Variants in PHLPP1 observed in about 807,000 individuals in gnomAD.
PHLPP1 encodes PH domain and leucine rich repeat protein phosphatase 1.
PHLPP1 carries 42 observed loss-of-function variants against 117.2 expected under a neutral mutation model. That is an observed-to-expected ratio of 0.36 (90% confidence interval 0.28 to 0.46). The LOEUF (loss-of-function observed/expected upper bound fraction) is 0.46, where lower values mean the gene tolerates loss of function less well. Among genes scored for constraint, PHLPP1 ranks in the 20% least tolerant of loss-of-function variants. PHLPP1 has a pLI of 1.00. For synonymous variants in PHLPP1, 1,042 were observed against 970.7 expected (o/e 1.07, Z -1.37); for missense variants, 2,084 against 2,241.9 (o/e 0.93, Z 1.42).
At chr18:62,843,720 T>TA (rs1915109224) in intron 3 of PHLPP1, among the ~76,000 whole-genome samples, 1 of 151,882 alleles carries the variant, frequency 6.6e-6, no homozygotes, top group South Asian at 2.1e-4. Context: ...ATATACAGTG[T>TA]AAAAAACGGC....
At chr18:62,727,002 T>A (rs1420765507) in intron 1 of PHLPP1, among the ~76,000 whole-genome samples, 2 of 149,336 alleles carry the variant, frequency 1.3e-5, no homozygotes, top group Non-Finnish European at 3.0e-5. Context: ...CCGAGGTAGG[T>A]GGATCACCTG....
chr18:62,847,762 A>T (rs1048884387), intron 3 of PHLPP1, among the ~76,000 whole-genome samples: 4 of 152,212 alleles, frequency 2.6e-5, no homozygotes, highest in Non-Finnish European at 4.4e-5. Flanking sequence ...TAAGATTTGG[A>T]AAAGACCAGA....
Position 62,817,345 on chromosome 18 carries a change from AAAAG to A in PHLPP1, c.1577-12685_1577-12682del, listed in dbSNP as rs571734465. ...TTATGTTCCATATATTCATGAAAAT[AAAAG>A]AAAGCATTTGCATATTAAGGAGAGA... On this transcript the variant is annotated intron_variant, in intron 1 of 16. Transcript: ENST00000262719. Among the ~76,000 whole-genome samples, 1,029 of 152,352 alleles carry A rather than the reference AAAAG, an allele frequency of 6.8e-3. 3 individuals are homozygous for A. The highest frequency in any genetic ancestry group is 0.011 in the Non-Finnish European group (749 of 68,030).
intron 16 of PHLPP1, among the ~76,000 whole-genome samples, chr18:62,976,217 G>T (rs549091696): frequency 6.6e-6 from 1 of 152,274 alleles, no homozygotes; most frequent in South Asian, 2.1e-4. Context: ...TCACAGCTGG[G>T]GCGGAGAGTG....
intron 7 of PHLPP1, 137 bp downstream of exon 7, chr18:62,903,303 A>G (rs897915349): frequency 7.8e-6 from 5 of 643,652 alleles, no homozygotes; most frequent in East Asian, 2.7e-5. Context: ...AAAGTCACAA[A>G]AGAAAAATGC....
chr18:62,783,172 G>A (rs1264892081), intron 1 of PHLPP1, among the ~76,000 whole-genome samples: 1 of 146,782 alleles, frequency 6.8e-6, no homozygotes, highest in Non-Finnish European at 1.5e-5. Context: ...AAAAAGATGA[G>A]TCACGTATAG....
intron 1 of PHLPP1, among the ~76,000 whole-genome samples, chr18:62,819,296 A>G (rs1483393147): frequency 2.6e-5 from 4 of 152,236 alleles, no homozygotes; most frequent in African/African-American, 9.6e-5. Flanking sequence ...TATGGTGTTC[A>G]TGAAGTGGTA....
intron 3 of PHLPP1, among the ~76,000 whole-genome samples, chr18:62,843,710 A>G (rs1057365920): frequency 1.3e-5 from 2 of 152,232 alleles, no homozygotes; most frequent in Non-Finnish European, 2.9e-5. Flanking sequence ...ACCTCCTATT[A>G]TATACAGTGT....
At position 62,979,183 on chromosome 18, in the gene PHLPP1, G is replaced by A. The variant is rs1442271274; in HGVS notation, c.4906G>A (p.Val1636Met). 7 of 1,613,600 alleles carry A rather than the reference G, an allele frequency of 4.3e-6. No individual in the cohort carries two copies. The highest frequency in any genetic ancestry group is 1.1e-5 in the South Asian group (1 of 91,020). ...SVAPQERSHN[V>M]IEVATDAPLR... Reference sequence around the variant, plus strand: ...TGCGCCCCAGGAAAGGAGCCACAATGTGATAGAGGTGGCTACAGACGCACC... The same window carrying A: ...TGCGCCCCAGGAAAGGAGCCACAATATGATAGAGGTGGCTACAGACGCACC... The change falls in exon 17 of 17, where the codon GTG becomes ATG. Residue 1636 changes from valine (V) to methionine (M), a missense_variant. This residue lies in a region of PHLPP1 where 1,365 missense variants were observed against 1,605.9 expected (regional missense o/e 0.85). Transcript: ENST00000262719.
chr18:62,819,880 C>A (rs1914399066), intron 1 of PHLPP1, among the ~76,000 whole-genome samples: 1 of 152,174 alleles, frequency 6.6e-6, no homozygotes, highest in South Asian at 2.1e-4. Flanking sequence ...AACTCCTGAC[C>A]TCAGGTGATC....
At chr18:62,734,948 T>C (rs1358374055) in intron 1 of PHLPP1, among the ~76,000 whole-genome samples, 1 of 152,186 alleles carries the variant, frequency 6.6e-6, no homozygotes, top group African/African-American at 2.4e-5. Flanking sequence ...TGTAACCAAG[T>C]CATGTGAGGG....
intron 2 of PHLPP1, 76 bp from the exon 3 acceptor site, chr18:62,838,708 A>G (rs757916475): frequency 1.0e-5 from 15 of 1,449,438 alleles, no homozygotes; most frequent in African/African-American, 1.4e-5. Context: ...CTCCTTGATC[A>G]GAGGCATAGT....
At chr18:62,809,498 A>G (rs571161455) in intron 1 of PHLPP1, among the ~76,000 whole-genome samples, 7 of 152,178 alleles carry the variant, frequency 4.6e-5, no homozygotes, top group Non-Finnish European at 8.8e-5. Flanking sequence ...CAAGAGATGG[A>G]GACCATCCTG....
chr18:62,761,090 C>G (rs1307819107), intron 1 of PHLPP1, among the ~76,000 whole-genome samples: 1 of 151,890 alleles, frequency 6.6e-6, no homozygotes, highest in Non-Finnish European at 1.5e-5. Flanking sequence ...GTCTTGAACT[C>G]CTGAGCTCAA....
At chr18:62,779,977 C>T (rs571086539) in intron 1 of PHLPP1, among the ~76,000 whole-genome samples, 109 of 152,136 alleles carry the variant, frequency 7.2e-4, no homozygotes, top group Non-Finnish European at 1.2e-3. Context: ...ATATTTTGGC[C>T]CTCAGTTCCC....
intron 12 of PHLPP1, 28 bp from the exon 13 acceptor site, chr18:62,958,599 CTT>C: frequency 6.2e-7 from 1 of 1,612,866 alleles, no homozygotes; most frequent in Non-Finnish European, 8.5e-7. Context: ...TAGACCATCT[CTT>C]TCTTGTTTGC....
intron 1 of PHLPP1, among the ~76,000 whole-genome samples, chr18:62,776,147 A>G (rs1309060263): frequency 6.6e-6 from 1 of 152,208 alleles, no homozygotes; most frequent in African/African-American, 2.4e-5. Context: ...TTTTAGGGCA[A>G]GCTGACAGGC....
intron 1 of PHLPP1, among the ~76,000 whole-genome samples, chr18:62,762,307 T>C (rs536107117): frequency 6.6e-6 from 1 of 151,460 alleles, no homozygotes; most frequent in East Asian, 1.9e-4. Context: ...CCCAAGTCTT[T>C]TCCATTCAGT....
At chr18:62,933,099 G>T (rs1236684365) in intron 10 of PHLPP1, among the ~76,000 whole-genome samples, 1 of 152,140 alleles carries the variant, frequency 6.6e-6, no homozygotes, top group Non-Finnish European at 1.5e-5. Context: ...AGACACTGAT[G>T]AAAGAAATCA....
Sources: gnomAD v4.1 joint callset for allele counts (sites outside exome capture counted in the v4.1 genomes callset) on GRCh38, gnomAD v4.1.1 for gene constraint, gnomAD v4.1.1 regional missense constraint, MANE v1.5 for transcripts, NCBI Gene and HGNC (gene_info 2026-07-23, HGNC 2026-07-21) for gene names.